The following FAAH2 variants were observed in gnomAD, a reference collection of about 807,000 sequenced individuals.
The protein encoded by FAAH2 is fatty-acid amide hydrolase 2.
A neutral mutation model predicts 36.9 loss-of-function variants in FAAH2; 60 were observed. The ratio of observed to expected loss-of-function variants is 1.63; its 90% CI spans 1.32 to 2.02. The LOEUF (loss-of-function observed/expected upper bound fraction) is 2.02, where lower values mean the gene tolerates loss of function less well. FAAH2 is among the 30% of genes most tolerant of loss of function. The pLI is 0.00. For synonymous variants in FAAH2, 214 were observed against 143.8 expected (o/e 1.49, Z -3.49); for missense variants, 689 against 397.5 (o/e 1.73, Z -6.23).
intron 5 of FAAH2, among the ~76,000 whole-genome samples, chrX:57,370,000 A>T (rs2054510972): frequency 8.9e-6 from 1 of 111,817 alleles, no homozygotes; most frequent in African/African-American, 3.2e-5. Flanking sequence ...AAAATTATTT[A>T]TTGTAACTGT....
At chrX:57,361,819 A>G (rs1014468622) in intron 5 of FAAH2, among the ~76,000 whole-genome samples, 6 of 111,892 alleles carry the variant, frequency 5.4e-5, no homozygotes, top group African/African-American at 1.9e-4. Flanking sequence ...AGTGTTTCTT[A>G]TATGACAGTT....
chrX:57,309,853 A>G (rs950773404), intron 2 of FAAH2, among the ~76,000 whole-genome samples: 2 of 111,779 alleles, frequency 1.8e-5, no homozygotes, highest in Admixed American at 9.5e-5. Flanking sequence ...GGTGGATTCC[A>G]TGTGTTTACT....
intron 3 of FAAH2, among the ~76,000 whole-genome samples, chrX:57,322,406 C>T (rs1476801337): frequency 1.8e-5 from 2 of 111,606 alleles, no homozygotes; most frequent in East Asian, 5.6e-4. Flanking sequence ...AAGTGACCTA[C>T]CCTTTCTCTC....
At chrX:57,206,466 C>T in the FAAH2 span, among the ~76,000 whole-genome samples, 4 of 111,107 alleles carry the variant, frequency 3.6e-5, no homozygotes, top group Non-Finnish European at 7.6e-5. Context: ...TAATATTTCT[C>T]GAGTGGGGGC....
the FAAH2 span, among the ~76,000 whole-genome samples, chrX:57,133,737 G>T: frequency 8.9e-6 from 1 of 112,087 alleles, no homozygotes; most frequent in Non-Finnish European, 1.9e-5. Context: ...ACACAAAGAT[G>T]AAAAAAACCT....
At chrX:57,316,683 G>A (rs1360606547) in intron 3 of FAAH2, among the ~76,000 whole-genome samples, 1 of 107,036 alleles carries the variant, frequency 9.3e-6, no homozygotes, top group East Asian at 3.0e-4. Flanking sequence ...ACAGAAGACT[G>A]AATCTACACT....
chrX:57,408,837 A>G (rs2055631016), intron 7 of FAAH2, among the ~76,000 whole-genome samples: 1 of 111,756 alleles, frequency 8.9e-6, no homozygotes, highest in Non-Finnish European at 1.9e-5. Context: ...TATGATTTTT[A>G]TCCTTCATTC....
chrX:57,428,373 C>T (rs182654757), intron 7 of FAAH2, among the ~76,000 whole-genome samples: 2 of 71,700 alleles, frequency 2.8e-5, no homozygotes, highest in African/African-American at 6.8e-5. Flanking sequence ...TGTAATTTTG[C>T]ACAGAATTAG....
At chrX:57,247,522 C>T in the FAAH2 span, among the ~76,000 whole-genome samples, 115 of 111,192 alleles carry the variant, frequency 1.0e-3, no homozygotes, top group Admixed American at 5.5e-3. Context: ...CCAGAGCAGG[C>T]CATTTATCTG....
intron 2 of FAAH2, among the ~76,000 whole-genome samples, chrX:57,300,358 A>C (rs903031430): frequency 8.9e-6 from 1 of 112,151 alleles, no homozygotes; most frequent in African/African-American, 3.2e-5. Context: ...CAATGCGGAA[A>C]GGATTCCCTA....
intron 7 of FAAH2, among the ~76,000 whole-genome samples, chrX:57,401,599 G>T (rs890566818): frequency 5.4e-5 from 6 of 111,615 alleles, no homozygotes; most frequent in African/African-American, 2.0e-4. Context: ...CTACTGCATG[G>T]TTTTACTAGG....
At chrX:57,290,377 C>T in intron 1 of FAAH2, 5 of 523,061 alleles carry the variant, frequency 9.6e-6, no homozygotes, top group Non-Finnish European at 1.2e-5. Context: ...GTTATGGTGG[C>T]TGAAATCTCT....
In FAAH2 at chrX:57,448,596, G is replaced by T; in HGVS notation, c.1301G>T (p.Ser434Ile). Residue 434 changes from serine to isoleucine, a missense_variant, in exon 10 of 11, where the codon AGC becomes ATC. Coordinates refer to ENST00000374900, the MANE Select transcript of FAAH2 (RefSeq NM_174912.4). ...CAAAAGTTTAAGGCAGTGGAAGAAAGCCTGCGTAAAGAGCTGGTGGATATG... is the reference window on the plus strand; with the variant it reads ...CAAAAGTTTAAGGCAGTGGAAGAAATCCTGCGTAAAGAGCTGGTGGATATG... The part of the protein sequence containing the change: ...KYQKFKAVEE[S>I]LRKELVDMLG... The T allele has an allele frequency of 8.3e-7, 1 of 1,211,548 alleles. No individual in the cohort carries two copies. The highest frequency in any genetic ancestry group is 1.1e-6 in the Non-Finnish European group (1 of 895,438).
At chrX:57,185,762 T>C in the FAAH2 span, among the ~76,000 whole-genome samples, 3 of 109,329 alleles carry the variant, frequency 2.7e-5, no homozygotes, top group Non-Finnish European at 5.7e-5. Context: ...CCTGTGTCCA[T>C]GTATTCTCAT....
the FAAH2 span, chrX:57,137,025 C>T: frequency 1.2e-6 from 1 of 838,264 alleles, no homozygotes; most frequent in Non-Finnish European, 1.5e-6. Context: ...TGTTACCTAC[C>T]TCCCTTGCTT....
the FAAH2 span, chrX:57,135,709 G>A: frequency 1.8e-6 from 2 of 1,129,240 alleles, no homozygotes; most frequent in Admixed American, 3.0e-5. Context: ...TGGCAAAGAT[G>A]TTTAGTTATC....
intron 5 of FAAH2, among the ~76,000 whole-genome samples, chrX:57,376,703 G>C: frequency 8.9e-6 from 1 of 111,758 alleles, no homozygotes; most frequent in Non-Finnish European, 1.9e-5. Context: ...TGGTATTTCT[G>C]GTTCTAGATC....
At chrX:57,393,910 A>G in intron 7 of FAAH2, 1 of 1,036,879 alleles carries the variant, frequency 9.6e-7, no homozygotes, top group Admixed American at 2.2e-5. Flanking sequence ...TTATCTCTTC[A>G]TCTGTCAGTG....
At chrX:57,123,632 G>C in the FAAH2 span, among the ~76,000 whole-genome samples, 1 of 112,069 alleles carries the variant, frequency 8.9e-6, no homozygotes, top group African/African-American at 3.2e-5. Flanking sequence ...GTGTAAAAGT[G>C]TTCCTATTTC....
Sources: allele counts gnomAD v4.1 joint callset (sites outside exome capture counted in the v4.1 genomes callset), GRCh38; gene constraint gnomAD v4.1.1; transcripts MANE v1.5; gene names NCBI Gene and HGNC (gene_info 2026-07-23, HGNC 2026-07-21).